RSRC1: variants seen among roughly 807,000 people sequenced by gnomAD.
RSRC1 encodes the protein arginine and serine rich coiled-coil 1, also known as serine/Arginine-related protein 53.
RSRC1 carries 39 observed loss-of-function variants against 49.1 expected under a neutral mutation model. That is an observed-to-expected ratio of 0.79 (90% CI 0.61 to 1.04). The LOEUF (loss-of-function observed/expected upper bound fraction) is 1.04, where lower values mean the gene tolerates loss of function less well. Ranked by LOEUF, RSRC1 falls within the 50% of genes least tolerant of loss-of-function variation. RSRC1 has a pLI of 0.00. For missense variants in RSRC1, 388 were observed against 402.4 expected (o/e 0.96, Z 0.31); for synonymous variants, 143 against 130.8 (o/e 1.09, Z -0.63).
At chr3:158,411,448 C>T (rs990418084) in intron 6 of RSRC1, among the ~76,000 whole-genome samples, 11 of 152,008 alleles carry the variant, frequency 7.2e-5, no homozygotes, top group South Asian at 2.1e-4. Context: ...TCTGCCTTCT[C>T]ACCAATACTT....
chr3:158,446,826 G>A (rs1736747547), intron 6 of RSRC1, among the ~76,000 whole-genome samples: 1 of 151,876 alleles, frequency 6.6e-6, no homozygotes, highest in Admixed American at 6.6e-5. Flanking sequence ...GTCATATGTT[G>A]GTTCCCTTTA....
chr3:158,508,325 C>T (rs1448412914), intron 7 of RSRC1, among the ~76,000 whole-genome samples: 1 of 151,782 alleles, frequency 6.6e-6, no homozygotes, highest in Non-Finnish European at 1.5e-5. Flanking sequence ...CTTCTTATTT[C>T]TCCCTCCTGT....
intron 6 of RSRC1, among the ~76,000 whole-genome samples, chr3:158,357,381 T>C (rs1731214644): frequency 6.6e-6 from 1 of 152,198 alleles, no homozygotes; most frequent in African/African-American, 2.4e-5. Context: ...TTTATAAAGC[T>C]TTGTGCTACT....
chr3:158,349,800 C>T (rs1037208156), intron 5 of RSRC1, among the ~76,000 whole-genome samples: 3 of 142,700 alleles, frequency 2.1e-5, no homozygotes, highest in African/African-American at 2.6e-5. Flanking sequence ...CGGGTTCAGG[C>T]GATTCTCCTG....
intron 6 of RSRC1, among the ~76,000 whole-genome samples, chr3:158,389,157 C>T (rs958231522): frequency 2.6e-5 from 4 of 152,234 alleles, no homozygotes; most frequent in Admixed American, 6.5e-5. Context: ...TTAACCCAGA[C>T]GTTTTATTCT....
intron 6 of RSRC1, among the ~76,000 whole-genome samples, chr3:158,355,132 T>A (rs1731089510): frequency 6.6e-6 from 1 of 152,088 alleles, no homozygotes; most frequent in Non-Finnish European, 1.5e-5. Flanking sequence ...TTTTCATTTA[T>A]AAAATTGGCT....
At chr3:158,155,092 A>G (rs1014847037) in intron 3 of RSRC1, among the ~76,000 whole-genome samples, 2 of 152,122 alleles carry the variant, frequency 1.3e-5, no homozygotes, top group African/African-American at 4.8e-5. Context: ...AGTCACACAT[A>G]AGGGTCTTGG....
Position 158,225,808 on chromosome 3 carries a change from T to C in RSRC1, c.494+22563T>C, listed in dbSNP as rs1403975420. The C allele has an allele frequency of 2.6e-4, 100 of 378,944 alleles. 2 individuals are homozygous for C. The highest frequency in any genetic ancestry group is 2.0e-3 in the South Asian group (94 of 47,136). 23.5% of individuals were successfully genotyped at this position (378,944 alleles called of 1,614,324 possible). ...CATTAATTACCTTTAAAATAAGGACTACTTGATAGCATTATATCAGTCAGA... is the reference window on the plus strand; with the variant it reads ...CATTAATTACCTTTAAAATAAGGACCACTTGATAGCATTATATCAGTCAGA... On this transcript the variant is annotated intron_variant, in intron 4 of 9. Transcript: ENST00000611884.
intron 3 of RSRC1, among the ~76,000 whole-genome samples, chr3:158,200,306 G>C (rs190803957): frequency 1.8e-4 from 28 of 152,302 alleles, no homozygotes; most frequent in African/African-American, 6.5e-4. Flanking sequence ...CCAAAGTGCT[G>C]GGATTAGAGG....
At chr3:158,323,403 G>A (rs1728874238) in intron 5 of RSRC1, among the ~76,000 whole-genome samples, 1 of 152,166 alleles carries the variant, frequency 6.6e-6, no homozygotes, top group African/African-American at 2.4e-5. Context: ...ACATTCAAAG[G>A]TGGAGCAAAT....
At chr3:158,294,666 G>A (rs1170782529) in intron 4 of RSRC1, among the ~76,000 whole-genome samples, 1 of 151,960 alleles carries the variant, frequency 6.6e-6, no homozygotes, top group Non-Finnish European at 1.5e-5. Flanking sequence ...TTCTAGTTTA[G>A]CCTCAACTAC....
chr3:158,146,568 A>G (rs1717133036), intron 3 of RSRC1, among the ~76,000 whole-genome samples: 1 of 152,158 alleles, frequency 6.6e-6, no homozygotes, highest in Non-Finnish European at 1.5e-5. Context: ...AATGTACATC[A>G]GGGATATAGG....
At chr3:158,466,901 G>C (rs1421181987) in intron 7 of RSRC1, among the ~76,000 whole-genome samples, 5 of 151,918 alleles carry the variant, frequency 3.3e-5, no homozygotes, top group Non-Finnish European at 4.4e-5. Context: ...GTCTCAAAAA[G>C]AAAAAAGATT....
At chr3:158,156,023 C>A (rs760462343) in intron 3 of RSRC1, among the ~76,000 whole-genome samples, 9 of 152,212 alleles carry the variant, frequency 5.9e-5, no homozygotes, top group Admixed American at 2.6e-4. Flanking sequence ...GACTTCTCCT[C>A]TCTACCTATA....
intron 6 of RSRC1, among the ~76,000 whole-genome samples, chr3:158,382,591 A>T (rs187882321): frequency 6.6e-5 from 10 of 151,894 alleles, no homozygotes; most frequent in African/African-American, 2.4e-4. Context: ...GCTACCCCCT[A>T]CCCCCAGTCT....
At chr3:158,322,422 C>G (rs1018041646) in intron 5 of RSRC1, among the ~76,000 whole-genome samples, 8 of 152,172 alleles carry the variant, frequency 5.3e-5, no homozygotes, top group Admixed American at 5.2e-4. Context: ...CTAAATGTAC[C>G]ATTCCAGTTG....
chr3:158,285,739 T>G (rs1458735698), intron 4 of RSRC1, among the ~76,000 whole-genome samples: 1 of 152,136 alleles, frequency 6.6e-6, no homozygotes, highest in Non-Finnish European at 1.5e-5. Context: ...TGTACATTGA[T>G]TTTGTATCCT....
chr3:158,482,102 T>C (rs1738634879), intron 7 of RSRC1, among the ~76,000 whole-genome samples: 1 of 152,032 alleles, frequency 6.6e-6, no homozygotes, highest in Non-Finnish European at 1.5e-5. Context: ...GTACTTGTCT[T>C]TGTTTTTCCC....
chr3:158,183,022 C>T (rs959266260), intron 3 of RSRC1, among the ~76,000 whole-genome samples: 2 of 151,712 alleles, frequency 1.3e-5, no homozygotes, highest in African/African-American at 4.8e-5. Flanking sequence ...CTGTATTTTC[C>T]TTCTGTATGA....
Sources: allele counts gnomAD v4.1 joint callset (sites outside exome capture counted in the v4.1 genomes callset), GRCh38; gene constraint gnomAD v4.1.1; transcripts MANE v1.5; gene names NCBI Gene and HGNC (gene_info 2026-07-23, HGNC 2026-07-21).